The following AGAP1 variants were observed in gnomAD, a reference collection of about 807,000 sequenced individuals.
AGAP1 encodes ArfGAP with GTPase domain, ankyrin repeat and PH domain 1.
AGAP1 carries 29 observed loss-of-function variants against 105.3 expected under a neutral mutation model. That is an observed-to-expected ratio of 0.28 (90% CI 0.21 to 0.38). The LOEUF is 0.38. Among genes scored for constraint, AGAP1 ranks in the 10% least tolerant of loss-of-function variants. The pLI is 1.00. For missense variants in AGAP1, 998 were observed against 1,165.1 expected, an observed-to-expected ratio of 0.86 and a Z score of 2.09; for synonymous variants, 509 against 485.9, an observed-to-expected ratio of 1.05 and a Z score of -0.63.
intron 1 of AGAP1, among the ~76,000 whole-genome samples, chr2:235,554,303 T>C (rs914873093): frequency 6.6e-6 from 1 of 152,228 alleles, no homozygotes; most frequent in African/African-American, 2.4e-5. Context: ...GGGTTTCTTA[T>C]TTGGGAAGTT....
chr2:235,539,119 T>A (rs973411802), intron 1 of AGAP1, among the ~76,000 whole-genome samples: 1 of 152,240 alleles, frequency 6.6e-6, no homozygotes. Context: ...AATGGTGATC[T>A]GCGTTGGTCT....
chr2:235,995,110 C>T (rs1273116938), intron 13 of AGAP1, among the ~76,000 whole-genome samples: 2 of 132,982 alleles, frequency 1.5e-5, no homozygotes, highest in Non-Finnish European at 1.6e-5. Flanking sequence ...TAAGATACAA[C>T]AGTATCTTAT....
intron 1 of AGAP1, among the ~76,000 whole-genome samples, chr2:235,652,866 G>C (rs1947641665): frequency 6.6e-6 from 1 of 152,112 alleles, no homozygotes; most frequent in South Asian, 2.1e-4. Context: ...CTACTCAGGA[G>C]GCTGAGGCAG....
chr2:235,633,881 A>C lies in AGAP1; in HGVS notation c.164-75298A>C, dbSNP rs906439323. Among the ~76,000 whole-genome samples, 2 of 151,994 alleles carry C rather than the reference A, an allele frequency of 1.3e-5. No individual in the cohort carries two copies. Among genetic ancestry groups the C allele is most frequent in the Admixed American group, 1.3e-4 (2 of 15,258 alleles). ...TTCTAGTTCCTGTGGCTCAGGGGAG[A>C]ATGAGGGGCAAGAGATCAGGAGAGC... On this transcript the variant is annotated intron_variant, in intron 1 of 17. Coordinates refer to ENST00000304032, the MANE Select transcript of AGAP1 (RefSeq NM_001037131.3). This position sits in a 1 kb window ranked among gnomAD's most constrained non-coding sequence, Gnocchi z 4.8.
rs1270336745 is a variant in AGAP1, at chr2:235,723,347, A to G, written c.310+5703A>G. Among the ~76,000 whole-genome samples, 1 of 152,204 alleles carries G rather than the reference A, an allele frequency of 6.6e-6. No homozygotes were observed. The highest frequency in any genetic ancestry group is 1.5e-5 in the Non-Finnish European group (1 of 68,042). Reference sequence around the variant, plus strand: ...ACACAGACCCCACATGATGCCACTCAGCTTTTAACTCTCCTTTCAAAAGAG... The same window carrying G: ...ACACAGACCCCACATGATGCCACTCGGCTTTTAACTCTCCTTTCAAAAGAG... On this transcript the variant is annotated intron_variant, in intron 3 of 17. Transcript: ENST00000304032. This position sits in a 1 kb window ranked among gnomAD's most constrained non-coding sequence, Gnocchi z 6.2.
At chr2:236,023,493 T>G (rs1197462782) in intron 13 of AGAP1, among the ~76,000 whole-genome samples, 1 of 152,168 alleles carries the variant, frequency 6.6e-6, no homozygotes, top group Non-Finnish European at 1.5e-5. Flanking sequence ...GAAAAAGGGC[T>G]TGGCGGAAGG....
chr2:236,097,380 C>CTTT (rs58882083), intron 16 of AGAP1, among the ~76,000 whole-genome samples: 2,210 of 48,682 alleles, frequency 0.045, 563 homozygotes, highest in Non-Finnish European at 0.053. Context: ...TCATCCTAAT[C>CTTT]TTTTTTTTTT....
At chr2:235,999,504 G>GTGGTGA (rs2055996111) in intron 13 of AGAP1, among the ~76,000 whole-genome samples, 1 of 145,006 alleles carries the variant, frequency 6.9e-6, no homozygotes, top group Non-Finnish European at 1.5e-5. Flanking sequence ...GGTGGTGGTA[G>GTGGTGA]TGGTGATGGT....
chr2:235,649,792 C>T (rs144417709), intron 1 of AGAP1, among the ~76,000 whole-genome samples: 149 of 152,300 alleles, frequency 9.8e-4, no homozygotes, highest in African/African-American at 3.4e-3. Flanking sequence ...ATGTACAGTG[C>T]ATCAGATGTC....
At chr2:235,954,849 C>T (rs1298464683) in intron 12 of AGAP1, among the ~76,000 whole-genome samples, 1 of 152,028 alleles carries the variant, frequency 6.6e-6, no homozygotes, top group East Asian at 1.9e-4. Flanking sequence ...TATCGCAGCT[C>T]CTAGGAGACA....
rs373324837 is a variant in AGAP1, at chr2:235,520,431, A to C, written c.163+25582A>C. Among the ~76,000 whole-genome samples, 4 of 152,100 alleles carry C rather than the reference A, an allele frequency of 2.6e-5. No homozygotes were observed. The East Asian group carries it at 7.8e-4, about 29-fold the overall frequency. On this transcript the variant is annotated intron_variant, in intron 1 of 17. Coordinates refer to ENST00000304032, the MANE Select transcript of AGAP1 (RefSeq NM_001037131.3). ...GTTTGTTTCGAATGCCTCCCCTTGGAGTCAGTCAGCGTGCTCCTTTGTCTC... is the reference window on the plus strand; with the variant it reads ...GTTTGTTTCGAATGCCTCCCCTTGGCGTCAGTCAGCGTGCTCCTTTGTCTC...
intron 12 of AGAP1, among the ~76,000 whole-genome samples, chr2:235,932,191 T>C (rs927460670): frequency 1.3e-5 from 2 of 152,232 alleles, no homozygotes; most frequent in Non-Finnish European, 1.5e-5. Context: ...TCATCAGCCC[T>C]GTGTGTGCTG....
intron 9 of AGAP1, among the ~76,000 whole-genome samples, chr2:235,848,073 C>T (rs564878720): frequency 3.9e-5 from 6 of 152,284 alleles, no homozygotes; most frequent in African/African-American, 1.2e-4. Context: ...TTTCTGGGTG[C>T]CCTAGACAGG....
At position 235,994,786 on chromosome 2, in the gene AGAP1, G is replaced by A. The variant is rs1350259526; in HGVS notation, c.1645+26163G>A. On this transcript the variant is annotated intron_variant, in intron 13 of 17. Coordinates refer to ENST00000304032, the MANE Select transcript of AGAP1 (RefSeq NM_001037131.3). The surrounding 1 kb of genome is among the most constrained non-coding windows in gnomAD (Gnocchi z 4.4). ...TTTTTTTAAACTAAAATTAGAATAGGCCGGGCCCAATGGCTCACACCTGTA... is the reference window on the plus strand; with the variant it reads ...TTTTTTTAAACTAAAATTAGAATAGACCGGGCCCAATGGCTCACACCTGTA... 4.6e-5 allele frequency among the ~76,000 whole-genome samples: 7 copies of A among 150,646 alleles called. No individual in the cohort carries two copies. The highest frequency in any genetic ancestry group is 1.7e-4 in the African/African-American group (7 of 40,986).
chr2:236,031,998 A>G (rs1005818987), intron 13 of AGAP1, among the ~76,000 whole-genome samples: 1 of 152,090 alleles, frequency 6.6e-6, no homozygotes, highest in Non-Finnish European at 1.5e-5. Flanking sequence ...TGTAGTTGGG[A>G]AGCAAAATCT....
intron 13 of AGAP1, among the ~76,000 whole-genome samples, chr2:235,985,414 A>C (rs1448598980): frequency 6.6e-6 from 1 of 152,164 alleles, no homozygotes; most frequent in Non-Finnish European, 1.5e-5. Context: ...GTTCACTCTG[A>C]TGATAGTTTC....
intron 1 of AGAP1, among the ~76,000 whole-genome samples, chr2:235,583,749 C>T (rs936484541): frequency 1.3e-5 from 2 of 151,106 alleles, no homozygotes; most frequent in Admixed American, 6.6e-5. Context: ...TGGTGGTGTG[C>T]GCCTGTAGTC....
At chr2:235,978,007 T>C (rs1402145537) in intron 13 of AGAP1, among the ~76,000 whole-genome samples, 1 of 152,164 alleles carries the variant, frequency 6.6e-6, no homozygotes, top group Non-Finnish European at 1.5e-5. Flanking sequence ...CTTTTCTTGC[T>C]GTGTCCTCAT....
chr2:235,790,885 A>G (rs1324756952), intron 6 of AGAP1, among the ~76,000 whole-genome samples: 1 of 152,202 alleles, frequency 6.6e-6, no homozygotes, highest in Non-Finnish European at 1.5e-5. Context: ...TGTACTCTTT[A>G]GTAGACGGCA....
Sources: allele counts gnomAD v4.1 joint callset (sites outside exome capture counted in the v4.1 genomes callset), GRCh38; gene constraint gnomAD v4.1.1; non-coding constraint Gnocchi (gnomAD v3.1); transcripts MANE v1.5; gene names NCBI Gene and HGNC (gene_info 2026-07-23, HGNC 2026-07-21).